The following GRXCR1 variants were observed in gnomAD, a reference collection of about 807,000 sequenced individuals.
The protein encoded by GRXCR1 is glutaredoxin and cysteine rich domain containing 1, also known as glutaredoxin domain-containing cysteine-rich protein 1.
In GRXCR1, 27 loss-of-function variants were observed where a neutral mutation model predicts 27.3. The ratio of observed to expected loss-of-function variants is 0.99; its 90% CI spans 0.73 to 1.37. The LOEUF (loss-of-function observed/expected upper bound fraction) is 1.37, where lower values mean the gene tolerates loss of function less well. GRXCR1 is among the 40% of genes most tolerant of loss of function. The pLI, the probability that GRXCR1 is intolerant of heterozygous loss-of-function variation, is 0.00. For synonymous variants in GRXCR1, 122 were observed against 131.1 expected, an observed-to-expected ratio of 0.93 and a Z score of 0.47; for missense variants, 379 against 354.4, an observed-to-expected ratio of 1.07 and a Z score of -0.56.
intron 2 of GRXCR1, among the ~76,000 whole-genome samples, chr4:42,993,996 G>T (rs750202772): frequency 2.0e-5 from 3 of 152,072 alleles, no homozygotes; most frequent in Admixed American, 6.6e-5. Flanking sequence ...GCACAAGGAG[G>T]CTTTGAAGTA....
intron 2 of GRXCR1, among the ~76,000 whole-genome samples, chr4:42,975,237 G>A (rs570005811): frequency 2.6e-5 from 4 of 152,240 alleles, no homozygotes; most frequent in African/African-American, 9.6e-5. Context: ...ATAAGTCTAC[G>A]ATAGTCCCTG....
At chr4:42,970,761 T>C (rs1748365671) in intron 2 of GRXCR1, among the ~76,000 whole-genome samples, 1 of 152,190 alleles carries the variant, frequency 6.6e-6, no homozygotes, top group Non-Finnish European at 1.5e-5. Context: ...CCTCATTGTC[T>C]TGGCTATTAA....
chr4:43,014,140 G>A (rs896683748), intron 2 of GRXCR1, among the ~76,000 whole-genome samples: 2 of 151,668 alleles, frequency 1.3e-5, no homozygotes, highest in African/African-American at 4.8e-5. Flanking sequence ...ACGCTCTTTA[G>A]GATGAGATTA....
intron 1 of GRXCR1, among the ~76,000 whole-genome samples, chr4:42,944,306 T>A (rs1471685199): frequency 6.6e-6 from 1 of 152,050 alleles, no homozygotes; most frequent in Non-Finnish European, 1.5e-5. Flanking sequence ...ATGTGCTATG[T>A]CTGTTAGACT....
intron 1 of GRXCR1, among the ~76,000 whole-genome samples, chr4:42,954,159 G>A (rs964278509): frequency 2.6e-5 from 4 of 152,144 alleles, no homozygotes; most frequent in African/African-American, 9.7e-5. Context: ...TGGATAGATA[G>A]TGAACCAGTT....
intron 2 of GRXCR1, among the ~76,000 whole-genome samples, chr4:42,976,364 T>C (rs1436740557): frequency 6.6e-6 from 1 of 152,092 alleles, no homozygotes; most frequent in Non-Finnish European, 1.5e-5. Flanking sequence ...TTCCATGGCA[T>C]TTATCAGAGT....
chr4:42,919,787 G>T lies in GRXCR1; in HGVS notation c.384+26137G>T, dbSNP rs117509224. Among the ~76,000 whole-genome samples the T allele has an allele frequency of 1.5e-4, 23 of 152,032 alleles. No homozygotes were observed. In the East Asian group the frequency reaches 4.5e-3, roughly 29 times the overall value. ...GAACTCATTCTTTATTTTATATTTT[G>T]AGATTAAAATTTTGATTTCTAGAAA... On this transcript the variant is annotated intron_variant, in intron 1 of 3. Coordinates refer to ENST00000399770, the MANE Select transcript of GRXCR1 (RefSeq NM_001080476.3).
In GRXCR1 at chr4:42,964,745, T is replaced by G. The variant is rs113951819; in HGVS notation, c.627+1611T>G. ...GTATAGTTTTAGGACCACAAACAGG[T>G]CTTAATGCAAAGTAAGTTTTCAAAT... On this transcript the variant is annotated intron_variant, in intron 2 of 3. Coordinates refer to ENST00000399770, the MANE Select transcript of GRXCR1 (RefSeq NM_001080476.3). Among the ~76,000 whole-genome samples the G allele has an allele frequency of 3.6e-3, 550 of 152,072 alleles. 5 individuals are homozygous for G. Among genetic ancestry groups the G allele is most frequent in the African/African-American group, 0.011 (460 of 41,512 alleles).
chr4:43,011,417 C>T (rs928363292), intron 2 of GRXCR1, among the ~76,000 whole-genome samples: 8 of 152,090 alleles, frequency 5.3e-5, no homozygotes, highest in Admixed American at 3.9e-4. Flanking sequence ...ATAGTTTTGG[C>T]AGTTGTTGAG....
chr4:42,907,673 C>T (rs1286022092), intron 1 of GRXCR1, among the ~76,000 whole-genome samples: 1 of 152,158 alleles, frequency 6.6e-6, no homozygotes, highest in African/African-American at 2.4e-5. Context: ...GTTCTACTCC[C>T]TCATGACAGT....
Position 42,956,184 on chromosome 4 carries a change from C to T in GRXCR1, c.385-6708C>T, listed in dbSNP as rs548660994. On this transcript the variant is annotated intron_variant, in intron 1 of 3. Coordinates refer to ENST00000399770, the MANE Select transcript of GRXCR1 (RefSeq NM_001080476.3). ...GGTTGTTGTAAGGCTTCCAGGCATCCCTAAGATTCATCTTTTTAATAAACA... is the reference window on the plus strand; with the variant it reads ...GGTTGTTGTAAGGCTTCCAGGCATCTCTAAGATTCATCTTTTTAATAAACA... Among the ~76,000 whole-genome samples the T allele has an allele frequency of 3.3e-5, 5 of 152,150 alleles. No homozygotes were observed. The South Asian group carries it at 1.0e-3, about 32-fold the overall frequency.
chr4:42,933,107 G>A (rs1318961326), intron 1 of GRXCR1, among the ~76,000 whole-genome samples: 1 of 151,856 alleles, frequency 6.6e-6, no homozygotes, highest in African/African-American at 2.4e-5. Flanking sequence ...AGAGAATTAG[G>A]CAGACATGGC....
At chr4:43,005,017 C>T (rs530590912) in intron 2 of GRXCR1, among the ~76,000 whole-genome samples, 1 of 152,238 alleles carries the variant, frequency 6.6e-6, no homozygotes, top group South Asian at 2.1e-4. Context: ...TTGTAATCCC[C>T]ACATATTGGG....
At chr4:42,897,099 A>G (rs893356948) in intron 1 of GRXCR1, among the ~76,000 whole-genome samples, 2 of 152,150 alleles carry the variant, frequency 1.3e-5, no homozygotes, top group Admixed American at 6.6e-5. Flanking sequence ...AAAATTAGCC[A>G]TTGTTTCTTC....
At chr4:42,957,270 C>A (rs1440297050) in intron 1 of GRXCR1, among the ~76,000 whole-genome samples, 2 of 152,032 alleles carry the variant, frequency 1.3e-5, no homozygotes, top group African/African-American at 4.8e-5. Flanking sequence ...TAGTACCTAG[C>A]AGCTTGTAAT....
At chr4:42,956,934 G>A (rs1748017929) in intron 1 of GRXCR1, among the ~76,000 whole-genome samples, 1 of 151,974 alleles carries the variant, frequency 6.6e-6, no homozygotes, top group Non-Finnish European at 1.5e-5. Flanking sequence ...AAAGACCCAA[G>A]ATCATTAAAA....
At chr4:43,009,276 T>C (rs1178427225) in intron 2 of GRXCR1, among the ~76,000 whole-genome samples, 1 of 152,212 alleles carries the variant, frequency 6.6e-6, no homozygotes, top group Non-Finnish European at 1.5e-5. Context: ...TCTAGAATTA[T>C]GTACAGGGAA....
At chr4:42,929,350 G>C (rs1369746071) in intron 1 of GRXCR1, among the ~76,000 whole-genome samples, 1 of 152,032 alleles carries the variant, frequency 6.6e-6, no homozygotes, top group Non-Finnish European at 1.5e-5. Flanking sequence ...ATAGGAAGCA[G>C]AGAAGTCTTG....
chr4:42,978,300 T>C (rs1389206324), intron 2 of GRXCR1, among the ~76,000 whole-genome samples: 4 of 152,136 alleles, frequency 2.6e-5, no homozygotes, highest in Non-Finnish European at 5.9e-5. Context: ...GGGTACTTTG[T>C]CATTCCATAT....
Sources: allele counts gnomAD v4.1 joint callset (sites outside exome capture counted in the v4.1 genomes callset), GRCh38; gene constraint gnomAD v4.1.1; transcripts MANE v1.5; gene names NCBI Gene and HGNC (gene_info 2026-07-23, HGNC 2026-07-21).